Variants in PLCB4 observed in about 807,000 individuals in gnomAD.
The protein encoded by PLCB4 is phospholipase C beta 4.
A neutral mutation model predicts 178.8 loss-of-function variants in PLCB4; 77 were observed. The observed-to-expected ratio is 0.43, with a 90% CI of 0.36 to 0.52. The LOEUF is 0.52. Among genes scored for constraint, PLCB4 ranks in the 20% least tolerant of loss-of-function variants. PLCB4 has a pLI of 0.00. For missense variants in PLCB4, 1,024 were observed against 1,453.4 expected (o/e 0.70, Z 4.80); for synonymous variants, 496 against 490.8 (o/e 1.01, Z -0.14).
intron 12 of PLCB4, among the ~76,000 whole-genome samples, chr20:9,375,822 A>G (rs538553197): frequency 5.9e-5 from 9 of 152,252 alleles, no homozygotes; most frequent in South Asian, 2.1e-4. Context: ...CAGAGAAACA[A>G]TGAGCAAAGC....
At chr20:9,124,345 A>G (rs1436796893) in intron 2 of PLCB4, among the ~76,000 whole-genome samples, 4 of 152,090 alleles carry the variant, frequency 2.6e-5, no homozygotes, top group Non-Finnish European at 5.9e-5. Flanking sequence ...AATAAAAATT[A>G]CCCAGGTGTG....
chr20:9,343,354 C>G (rs2033448034), intron 7 of PLCB4, among the ~76,000 whole-genome samples: 1 of 152,184 alleles, frequency 6.6e-6, no homozygotes, highest in Non-Finnish European at 1.5e-5. Flanking sequence ...GCTTTCCTGA[C>G]TTTCAGCAAG....
At chr20:9,348,121 C>T (rs1405707659) in intron 7 of PLCB4, among the ~76,000 whole-genome samples, 1 of 152,188 alleles carries the variant, frequency 6.6e-6, no homozygotes, top group African/African-American at 2.4e-5. Flanking sequence ...ACCTGGACTA[C>T]ATCATCATGA....
At chr20:9,075,220 C>T (rs546049019) in intron 1 of PLCB4, among the ~76,000 whole-genome samples, 4 of 152,238 alleles carry the variant, frequency 2.6e-5, no homozygotes, top group South Asian at 2.1e-4. Flanking sequence ...CAACTTCTAA[C>T]CACCGTACTG....
chr20:9,205,009 C>T (rs2093599460), intron 2 of PLCB4, among the ~76,000 whole-genome samples: 2 of 152,080 alleles, frequency 1.3e-5, no homozygotes, highest in Non-Finnish European at 1.5e-5. Flanking sequence ...AAAATACAGA[C>T]AGTTCTTGAC....
chr20:9,383,017 T>G (rs1237144750), intron 13 of PLCB4, among the ~76,000 whole-genome samples: 1 of 152,236 alleles, frequency 6.6e-6, no homozygotes, highest in African/African-American at 2.4e-5. Context: ...TGGACTTCTG[T>G]ACCTTCAGTG....
intron 7 of PLCB4, among the ~76,000 whole-genome samples, chr20:9,347,220 G>A (rs2148132157): frequency 6.6e-6 from 1 of 152,210 alleles, no homozygotes; most frequent in Middle Eastern, 3.4e-3. Context: ...TGTTGAGGGG[G>A]GCACTTTCAC....
chr20:9,329,269 A>C (rs1183091468), intron 4 of PLCB4, among the ~76,000 whole-genome samples: 2 of 152,180 alleles, frequency 1.3e-5, no homozygotes, highest in African/African-American at 4.8e-5. Context: ...CTTTGTTAGA[A>C]AAGAAATGAT....
intron 2 of PLCB4, among the ~76,000 whole-genome samples, chr20:9,164,481 A>G (rs755626904): frequency 4.6e-5 from 7 of 152,320 alleles, no homozygotes; most frequent in Non-Finnish European, 8.8e-5. Context: ...TTCTCATCAT[A>G]TGACAGTCTC....
chr20:9,241,795 A>G (rs2094066026), intron 3 of PLCB4, among the ~76,000 whole-genome samples: 1 of 152,240 alleles, frequency 6.6e-6, no homozygotes, highest in Non-Finnish European at 1.5e-5. Flanking sequence ...ACCTTGGTTT[A>G]TGACAATAAA....
chr20:9,097,019 C>T (rs890202879), intron 2 of PLCB4, among the ~76,000 whole-genome samples: 1 of 151,946 alleles, frequency 6.6e-6, no homozygotes, highest in African/African-American at 2.4e-5. Context: ...ACTGCAACCT[C>T]TGTCTCCTGT....
chr20:9,103,931 C>T (rs1431640912), intron 2 of PLCB4, among the ~76,000 whole-genome samples: 1 of 152,080 alleles, frequency 6.6e-6, no homozygotes, highest in Non-Finnish European at 1.5e-5. Flanking sequence ...GCTTTTAAGT[C>T]ATTTTTCTCA....
At chr20:9,074,786 C>A (rs2089752402) in intron 1 of PLCB4, among the ~76,000 whole-genome samples, 1 of 106,586 alleles carries the variant, frequency 9.4e-6, no homozygotes, top group African/African-American at 4.0e-5. Context: ...TGTCTCCCAG[C>A]TAGGCTTTTT....
At chr20:9,468,134 T>G (rs951714730) in intron 35 of PLCB4, among the ~76,000 whole-genome samples, 2 of 152,168 alleles carry the variant, frequency 1.3e-5, no homozygotes. Flanking sequence ...GAGATCTTTA[T>G]ATTTATGGGC....
intron 2 of PLCB4, among the ~76,000 whole-genome samples, chr20:9,212,884 A>C (rs1361403499): frequency 1.3e-5 from 2 of 152,116 alleles, no homozygotes; most frequent in African/African-American, 4.8e-5. Context: ...CATAAAATGC[A>C]CTCACTTAAA....
chr20:9,269,665 A>G (rs2094383650), intron 3 of PLCB4, among the ~76,000 whole-genome samples: 1 of 152,176 alleles, frequency 6.6e-6, no homozygotes, highest in Admixed American at 6.6e-5. Flanking sequence ...CTCTTATATC[A>G]ACAGAGATCA....
Position 9,391,881 on chromosome 20 carries a change from C to T in PLCB4, c.1323+1266C>T, listed in dbSNP as rs997119018. Among the ~76,000 whole-genome samples the T allele has an allele frequency of 3.9e-5, 6 of 152,182 alleles. No individual in the cohort carries two copies. In the East Asian group the frequency reaches 5.8e-4, roughly 15 times the overall value. On this transcript the variant is annotated intron_variant, in intron 17 of 39. Transcript: ENST00000378473. ...GCCTTCCAGGGTTTCCCAGCAGGAT[C>T]GTGCTCCAGCTGGCTGCAGTGATAA... is the stretch of plus-strand genomic sequence containing the variant.
At chr20:9,096,100 TTAAAATCTG>T (rs1471040774) in intron 1 of PLCB4, among the ~76,000 whole-genome samples, 178 bp from the exon 2 acceptor site, 4 of 152,212 alleles carry the variant, frequency 2.6e-5, no homozygotes, top group Non-Finnish European at 5.9e-5. Context: ...ATCATTGGAA[TTAAAATCTG>T]TAAAATGTTT....
At chr20:9,183,110 T>C (rs933753306) in intron 2 of PLCB4, among the ~76,000 whole-genome samples, 1 of 152,130 alleles carries the variant, frequency 6.6e-6, no homozygotes, top group Admixed American at 6.5e-5. Context: ...CGGAGGATGT[T>C]GTCCAAACAT....
Sources: gnomAD v4.1 joint callset for allele counts (sites outside exome capture counted in the v4.1 genomes callset) on GRCh38, gnomAD v4.1.1 for gene constraint, MANE v1.5 for transcripts, NCBI Gene and HGNC (gene_info 2026-07-23, HGNC 2026-07-21) for gene names.